The following GALNT2 variants were observed in gnomAD, a reference collection of about 807,000 sequenced individuals.
GALNT2 encodes the protein polypeptide N-acetylgalactosaminyltransferase 2, also known as UDP-GalNAc:polypeptide N-acetylgalactosaminyltransferase 2.
A neutral mutation model predicts 81.4 loss-of-function variants in GALNT2; 31 were observed. The observed-to-expected ratio is 0.38, with a 90% CI of 0.29 to 0.51. The LOEUF (loss-of-function observed/expected upper bound fraction) is 0.51, where lower values mean the gene tolerates loss of function less well. Among genes scored for constraint, GALNT2 ranks in the 20% least tolerant of loss-of-function variants. GALNT2 has a pLI of 0.87. For missense variants in GALNT2, 629 were observed against 765.7 expected, an observed-to-expected ratio of 0.82 and a Z score of 2.11; for synonymous variants, 303 against 287.4, an observed-to-expected ratio of 1.05 and a Z score of -0.55.
chr1:230,095,082 G>A lies in GALNT2; in HGVS notation c.126+27676G>A, dbSNP rs12562557. 5.6e-3 allele frequency among the ~76,000 whole-genome samples: 852 copies of A among 152,182 alleles called. 6 individuals carry two copies. Among genetic ancestry groups the A allele is most frequent in the African/African-American group, 0.018 (733 of 41,508 alleles). ...GCTGGTCCTCATACGGTTCCTTTCTGTCTCTGGTTGTGTTGGTTAAGACAG... is the reference window on the plus strand; with the variant it reads ...GCTGGTCCTCATACGGTTCCTTTCTATCTCTGGTTGTGTTGGTTAAGACAG... On this transcript the variant is annotated intron_variant, in intron 1 of 15. Coordinates refer to ENST00000366672, the MANE Select transcript of GALNT2 (RefSeq NM_004481.5).
intron 3 of GALNT2, among the ~76,000 whole-genome samples, chr1:230,231,807 C>G (rs72761975): frequency 6.6e-6 from 1 of 152,272 alleles, no homozygotes; most frequent in Non-Finnish European, 1.5e-5. Context: ...ACATTAGCAC[C>G]AGAGCCTTGG....
chr1:230,062,007 C>T (rs765114844), intron 1 of GALNT2, among the ~76,000 whole-genome samples: 6 of 152,260 alleles, frequency 3.9e-5, no homozygotes, highest in East Asian at 1.9e-4. Flanking sequence ...CTGGATATTA[C>T]GCTATATGTG....
In GALNT2 at chr1:230,243,657, G is replaced by A. The variant is rs1665274321; in HGVS notation, c.729+230G>A. On this transcript the variant is annotated intron_variant, in intron 7 of 15. Transcript: ENST00000366672. This position sits in a 1 kb window ranked among gnomAD's most constrained non-coding sequence, Gnocchi z 4.2. ...CCATCAGTAGGAGGAACCATCCGTTGACAGGTAGGAGGCGAGGATCAGCAG... is the reference window on the plus strand; with the variant it reads ...CCATCAGTAGGAGGAACCATCCGTTAACAGGTAGGAGGCGAGGATCAGCAG... 6.6e-6 allele frequency among the ~76,000 whole-genome samples: 1 copy of A among 152,226 alleles called. No individual in the cohort carries two copies. The highest frequency in any genetic ancestry group is 2.1e-4 in the South Asian group (1 of 4,836).
intron 2 of GALNT2, among the ~76,000 whole-genome samples, chr1:230,191,905 A>G (rs1314355721): frequency 6.6e-6 from 1 of 152,250 alleles, no homozygotes; most frequent in African/African-American, 2.4e-5. Flanking sequence ...GGGGCTCCCC[A>G]TGCTCAGCAC....
chr1:230,272,186 G>A (rs960570756), intron 14 of GALNT2, among the ~76,000 whole-genome samples: 1 of 152,194 alleles, frequency 6.6e-6, no homozygotes, highest in Non-Finnish European at 1.5e-5. Context: ...CCTAGAGTAT[G>A]GGTGACGTGA....
chr1:230,131,458 C>G (rs199857524), intron 1 of GALNT2, among the ~76,000 whole-genome samples: 1 of 152,182 alleles, frequency 6.6e-6, no homozygotes, highest in East Asian at 1.9e-4. Context: ...AGGTCAATCC[C>G]ATGCAGAGCT....
chr1:230,252,717 A>G (rs930295516), intron 10 of GALNT2, among the ~76,000 whole-genome samples: 2 of 152,322 alleles, frequency 1.3e-5, no homozygotes, highest in Middle Eastern at 3.4e-3. Context: ...AAGCCCTGGA[A>G]GGATCCCTTG....
chr1:230,108,947 A>C (rs898245372), intron 1 of GALNT2, among the ~76,000 whole-genome samples: 2 of 152,238 alleles, frequency 1.3e-5, no homozygotes, highest in African/African-American at 4.8e-5. Context: ...CAGAATTGTT[A>C]AGTCGAGCCA....
chr1:230,163,921 C>A (rs1662516551), intron 1 of GALNT2, among the ~76,000 whole-genome samples: 1 of 152,178 alleles, frequency 6.6e-6, no homozygotes, highest in South Asian at 2.1e-4. Context: ...TGTCCCAGAA[C>A]TGGCCGGGGG....
chr1:230,224,707 G>A (rs1308560968), intron 3 of GALNT2, among the ~76,000 whole-genome samples: 1 of 152,218 alleles, frequency 6.6e-6, no homozygotes, highest in Admixed American at 6.5e-5. Flanking sequence ...TGAGCGAAGA[G>A]TGTGTTTTTG....
rs192410760 is a variant in GALNT2 at position 230,076,427 on chromosome 1, A to C, written c.126+9021A>C. Reference sequence around the variant, plus strand: ...AGCACAGGATTTCCGCTGTGATGTGATCTTTGGGAGTTGCTGCGGGTGGGA... The same window carrying C: ...AGCACAGGATTTCCGCTGTGATGTGCTCTTTGGGAGTTGCTGCGGGTGGGA... On this transcript the variant is annotated intron_variant, in intron 1 of 15. Coordinates refer to ENST00000366672, the MANE Select transcript of GALNT2 (RefSeq NM_004481.5). Among the ~76,000 whole-genome samples, 1,351 of 152,122 alleles carry C rather than the reference A, an allele frequency of 8.9e-3. 8 individuals are homozygous for C. Among genetic ancestry groups the C allele is most frequent in the Non-Finnish European group, 0.014 (923 of 67,998 alleles).
At chr1:230,201,345 C>T (rs761236963) in intron 2 of GALNT2, among the ~76,000 whole-genome samples, 1 of 152,228 alleles carries the variant, frequency 6.6e-6, no homozygotes. Context: ...ATCATTTCCA[C>T]GGCAACCAGC....
intron 1 of GALNT2, among the ~76,000 whole-genome samples, chr1:230,105,490 C>T (rs1660517385): frequency 6.6e-6 from 1 of 152,152 alleles, no homozygotes; most frequent in South Asian, 2.1e-4. Flanking sequence ...TGTTTTTCTT[C>T]CTGAGTGGCA....
chr1:230,195,055 A>G (rs1285719964), intron 2 of GALNT2, among the ~76,000 whole-genome samples: 1 of 152,266 alleles, frequency 6.6e-6, no homozygotes, highest in Non-Finnish European at 1.5e-5. Context: ...AAACAAGGTT[A>G]GAAGGGTATT....
chr1:230,199,809 C>T (rs547185168), intron 2 of GALNT2, among the ~76,000 whole-genome samples: 1 of 152,144 alleles, frequency 6.6e-6, no homozygotes, highest in South Asian at 2.1e-4. Flanking sequence ...GGCAGGGTAC[C>T]GCTCAGTAGG....
At chr1:230,180,806 A>T (rs139066089) in intron 2 of GALNT2, among the ~76,000 whole-genome samples, 1 of 152,148 alleles carries the variant, frequency 6.6e-6, no homozygotes, top group Admixed American at 6.5e-5. Context: ...AGTTTTCCTC[A>T]TACAGAATTT....
intron 1 of GALNT2, among the ~76,000 whole-genome samples, chr1:230,096,401 G>T (rs149024778): frequency 7.0e-4 from 106 of 152,272 alleles, no homozygotes; most frequent in African/African-American, 2.5e-3. Context: ...TCATGGGGGT[G>T]GCATGGTTAG....
intron 1 of GALNT2, among the ~76,000 whole-genome samples, chr1:230,111,138 C>CATATCT (rs1197973353): frequency 3.9e-5 from 6 of 152,204 alleles, no homozygotes; most frequent in African/African-American, 1.4e-4. Context: ...ATGGCACATG[C>CATATCT]GTATCTGTGC....
At chr1:230,169,500 A>AT (rs1319630104) in intron 1 of GALNT2, among the ~76,000 whole-genome samples, 2 of 152,208 alleles carry the variant, frequency 1.3e-5, no homozygotes, top group Non-Finnish European at 2.9e-5. Flanking sequence ...ACCGATGGCC[A>AT]TTTCATCTGT....
Sources: allele counts gnomAD v4.1 joint callset (sites outside exome capture counted in the v4.1 genomes callset), GRCh38; gene constraint gnomAD v4.1.1; non-coding constraint Gnocchi (gnomAD v3.1); transcripts MANE v1.5; gene names NCBI Gene and HGNC (gene_info 2026-07-23, HGNC 2026-07-21).